ZRANB3: variants seen among roughly 807,000 people sequenced by gnomAD.
ZRANB3 encodes the protein DNA annealing helicase and endonuclease ZRANB3.
Under a neutral mutation model 133.8 loss-of-function variants are expected in ZRANB3, and 125 were observed. That is an observed-to-expected ratio of 0.93 (90% CI 0.81 to 1.08). The LOEUF is 1.08. Among genes scored for constraint, ZRANB3 ranks in the 50% least tolerant of loss-of-function variants. The pLI, the probability that ZRANB3 is intolerant of heterozygous loss-of-function variation, is 0.00. For missense variants in ZRANB3, 1,229 were observed against 1,275.5 expected, an observed-to-expected ratio of 0.96 and a Z score of 0.56; for synonymous variants, 387 against 432.7, an observed-to-expected ratio of 0.89 and a Z score of 1.31.
At chr2:135,497,299 T>A (rs7606663) in intron 2 of ZRANB3, among the ~76,000 whole-genome samples, 3 of 152,018 alleles carry the variant, frequency 2.0e-5, no homozygotes, top group Non-Finnish European at 1.5e-5. Flanking sequence ...TGAAAAAGAG[T>A]AAGGCTGAAA....
chr2:135,407,421 C>T (rs1416858540), intron 2 of ZRANB3, among the ~76,000 whole-genome samples: 1 of 151,400 alleles, frequency 6.6e-6, no homozygotes, highest in East Asian at 1.9e-4. Context: ...AGATTCAATG[C>T]CATCCCCATC....
intron 12 of ZRANB3, among the ~76,000 whole-genome samples, chr2:135,244,247 C>G (rs1359400481): frequency 6.6e-6 from 1 of 152,092 alleles, no homozygotes. Flanking sequence ...GCAGGCAGAT[C>G]ACTTGATCTG....
intron 12 of ZRANB3, among the ~76,000 whole-genome samples, chr2:135,246,246 T>G (rs927800152): frequency 6.6e-6 from 1 of 151,760 alleles, no homozygotes; most frequent in African/African-American, 2.4e-5. Context: ...CATCAACTCA[T>G]GGAGACTCAA....
chr2:135,244,984 T>C (rs1014668097), intron 12 of ZRANB3, among the ~76,000 whole-genome samples: 6 of 152,158 alleles, frequency 3.9e-5, no homozygotes, highest in Admixed American at 1.3e-4. Context: ...ATTGAGGCTT[T>C]AGTACATAAA....
chr2:135,448,772 G>A (rs1427804467), intron 2 of ZRANB3, among the ~76,000 whole-genome samples: 1 of 152,212 alleles, frequency 6.6e-6, no homozygotes, highest in African/African-American at 2.4e-5. Context: ...TTGTAAAGAA[G>A]GGGAGAGGAC....
intron 2 of ZRANB3, among the ~76,000 whole-genome samples, chr2:135,439,321 G>C (rs940717345): frequency 4.6e-5 from 7 of 151,952 alleles, no homozygotes; most frequent in African/African-American, 1.7e-4. Flanking sequence ...CATTGATCTA[G>C]CTCTAATTAA....
At chr2:135,485,229 C>T (rs981646233) in intron 2 of ZRANB3, among the ~76,000 whole-genome samples, 9 of 149,302 alleles carry the variant, frequency 6.0e-5, no homozygotes, top group Non-Finnish European at 1.3e-4. Context: ...AACACAGTTC[C>T]AAAGTAGGAG....
chr2:135,285,734 C>T (rs1681325054), intron 8 of ZRANB3, among the ~76,000 whole-genome samples: 1 of 152,148 alleles, frequency 6.6e-6, no homozygotes. Flanking sequence ...GGCATTTCTC[C>T]CAAAATGGTT....
At chr2:135,416,679 G>T (rs1175699258) in intron 2 of ZRANB3, among the ~76,000 whole-genome samples, 4 of 151,472 alleles carry the variant, frequency 2.6e-5, no homozygotes, top group Non-Finnish European at 5.9e-5. Context: ...GAACAAAGCT[G>T]GAGGCATCAC....
Position 135,451,233 on chromosome 2 carries a change from C to G in ZRANB3, c.161+53096G>C, listed in dbSNP as rs867729428. Among the ~76,000 whole-genome samples, 6 of 152,274 alleles carry G rather than the reference C, an allele frequency of 3.9e-5. 1 individual carries two copies. Among genetic ancestry groups the G allele is most frequent in the Middle Eastern group, 6.8e-3 (2 of 294 alleles). ...CTATGAATATTAAAAATTTCCAACA[C>G]TAACATGGAAATATATACCATGTCT... On this transcript the variant is annotated intron_variant, in intron 2 of 20. Coordinates refer to ENST00000264159, the MANE Select transcript of ZRANB3 (RefSeq NM_032143.4).
chr2:135,361,007 C>A (rs1464224542), intron 3 of ZRANB3, among the ~76,000 whole-genome samples: 1 of 152,184 alleles, frequency 6.6e-6, no homozygotes, highest in Non-Finnish European at 1.5e-5. Context: ...TCTTGAACTC[C>A]TGGCTCAACC....
intron 3 of ZRANB3, among the ~76,000 whole-genome samples, chr2:135,356,645 T>G (rs911738762): frequency 6.6e-6 from 1 of 152,244 alleles, no homozygotes; most frequent in African/African-American, 2.4e-5. Flanking sequence ...TATTTTTCAG[T>G]TCTAAAATGT....
intron 8 of ZRANB3, among the ~76,000 whole-genome samples, chr2:135,297,846 T>C (rs1290326748): frequency 1.3e-5 from 2 of 152,220 alleles, no homozygotes; most frequent in Non-Finnish European, 2.9e-5. Context: ...TTTCTCTAAG[T>C]GTTTCTTTTA....
At chr2:135,330,918 C>T (rs537769540) in intron 6 of ZRANB3, among the ~76,000 whole-genome samples, 5 of 151,990 alleles carry the variant, frequency 3.3e-5, no homozygotes, top group South Asian at 2.1e-4. Flanking sequence ...TTTTTTATTG[C>T]GTCTATTTGA....
At chr2:135,246,288 A>G (rs1360052731) in intron 12 of ZRANB3, among the ~76,000 whole-genome samples, 3 of 152,088 alleles carry the variant, frequency 2.0e-5, no homozygotes, top group Non-Finnish European at 4.4e-5. Flanking sequence ...GGTTTATAAA[A>G]GAAGAAGGTG....
At chr2:135,401,827 T>A (rs1469939061) in intron 2 of ZRANB3, among the ~76,000 whole-genome samples, 1 of 152,208 alleles carries the variant, frequency 6.6e-6, no homozygotes, top group Non-Finnish European at 1.5e-5. Context: ...TATGTGCAGC[T>A]GAACTCAATT....
At chr2:135,503,151 T>C (rs1190842120) in intron 2 of ZRANB3, among the ~76,000 whole-genome samples, 2 of 152,322 alleles carry the variant, frequency 1.3e-5, no homozygotes, top group African/African-American at 2.4e-5. Context: ...GGTTTGTACA[T>C]TTCATTAATT....
At chr2:135,451,543 C>A (rs1404444896) in intron 2 of ZRANB3, among the ~76,000 whole-genome samples, 8 of 151,398 alleles carry the variant, frequency 5.3e-5, no homozygotes, top group African/African-American at 1.9e-4. Flanking sequence ...GCCTGGGCAA[C>A]AGAGCGAGAC....
rs547593536 is a variant in ZRANB3 at position 135,354,595 on chromosome 2, AT to A, written c.181-968del. Among the ~76,000 whole-genome samples, 7 of 152,308 alleles carry A rather than the reference AT, an allele frequency of 4.6e-5. No homozygotes were observed. In the East Asian group the frequency reaches 1.4e-3, roughly 29 times the overall value. On this transcript the variant is annotated intron_variant, in intron 3 of 20. Coordinates refer to ENST00000264159, the MANE Select transcript of ZRANB3 (RefSeq NM_032143.4). The stretch of plus-strand genomic sequence containing the variant: ...TCATACAATGGAGTACTATTCGGTA[AT>A]AAAAAAAGAATGAACTCATGCTCTA...
Sources: allele counts gnomAD v4.1 joint callset (sites outside exome capture counted in the v4.1 genomes callset), GRCh38; gene constraint gnomAD v4.1.1; transcripts MANE v1.5; gene names NCBI Gene and HGNC (gene_info 2026-07-23, HGNC 2026-07-21).